RSPO4: variants seen among roughly 807,000 people sequenced by gnomAD.
RSPO4 encodes the protein R-spondin 4.
RSPO4 carries 23 observed loss-of-function variants against 24.8 expected under a neutral mutation model. The ratio of observed to expected loss-of-function variants is 0.93; its 90% CI spans 0.67 to 1.31. The LOEUF (loss-of-function observed/expected upper bound fraction) is 1.31. Ranked by LOEUF, RSPO4 falls within the 40% of genes most tolerant of loss-of-function variation. The pLI, the probability that RSPO4 is intolerant of heterozygous loss-of-function variation, is 0.00. For missense variants in RSPO4, 333 were observed against 316.5 expected (o/e 1.05, Z -0.39); for synonymous variants, 141 against 127.4 (o/e 1.11, Z -0.72).
At position 964,072 on chromosome 20, in the gene RSPO4, T is replaced by C. The variant is rs1568904504; in HGVS notation, c.458A>G (p.Asn153Ser). 8 of 1,613,832 alleles carry C rather than the reference T, an allele frequency of 5.0e-6. No individual in the cohort carries two copies. Among genetic ancestry groups the C allele is most frequent in the South Asian group, 3.3e-5 (3 of 91,066 alleles). ...CCAAGCCGAGCCGCAGGTCTTTCCA[T>C]TGTGTGTGCAGGGGCTCCAGCCGCC... ...PWGGWSPCTH[N>S]GKTCGSAWGL... The change falls in exon 4 of 5, where the codon AAT becomes AGT. Residue 153 changes from asparagine (N) to serine (S), a missense_variant. Physicochemically the swap from Asn to Ser is conservative, Grantham distance 46. Transcript: ENST00000217260.
At chr20:967,426 G>A in intron 2 of RSPO4, 112 bp from the exon 3 acceptor site, 1 of 1,155,088 alleles carries the variant, frequency 8.7e-7, no homozygotes, top group Middle Eastern at 1.9e-4. Context: ...GTAGCATTTG[G>A]GTCAGGACTC....
In RSPO4 at chr20:964,135, GA is replaced by G; in HGVS notation, c.410-16del. On this transcript the variant is annotated splice_polypyrimidine_tract_variant and intron_variant, in intron 3 of 4. Transcript: ENST00000217260. ...TTCACACTCCCCTGTGGGGTGAAAG[GA>G]GAGACAGACAGACAGACAGACAGGG... The G allele has an allele frequency of 6.2e-7, 1 of 1,602,196 alleles. No homozygotes were observed. The highest frequency in any genetic ancestry group is 8.5e-7 in the Non-Finnish European group (1 of 1,172,730).
chr20:968,395 C>G lies in RSPO4; in HGVS notation c.80-257G>C, dbSNP rs151290574. ...AGGGCAGGGGTGTGCCCCTTGTCGT[C>G]CCCTCATCCTTTCTGTTGGGTGGAA... On this transcript the variant is annotated intron_variant, in intron 1 of 4. Coordinates refer to ENST00000217260, the MANE Select transcript of RSPO4 (RefSeq NM_001029871.4). Among the ~76,000 whole-genome samples, 28 of 152,362 alleles carry G rather than the reference C, an allele frequency of 1.8e-4. 1 individual carries two copies. In the East Asian group the frequency reaches 5.4e-3, roughly 29 times the overall value.
At chr20:980,605 T>G (rs922660229) in intron 1 of RSPO4, among the ~76,000 whole-genome samples, 2 of 152,196 alleles carry the variant, frequency 1.3e-5, no homozygotes, top group Non-Finnish European at 2.9e-5. Flanking sequence ...AATTACCTGC[T>G]AAGTTGCAGC....
chr20:986,638 G>T (rs1000997026), intron 1 of RSPO4, among the ~76,000 whole-genome samples: 2 of 115,558 alleles, frequency 1.7e-5, no homozygotes, highest in African/African-American at 6.7e-5. Context: ...TTAAAAATAC[G>T]ACTGTGCATT....
intron 1 of RSPO4, among the ~76,000 whole-genome samples, chr20:979,837 C>T (rs940403862): frequency 2.0e-5 from 3 of 152,138 alleles, no homozygotes; most frequent in Admixed American, 1.3e-4. Flanking sequence ...GACCTCTTGC[C>T]TGCAGCAGCA....
At position 981,756 on chromosome 20, in the gene RSPO4, G is replaced by C. The variant is rs1259417435; in HGVS notation, c.80-13618C>G. Among the ~76,000 whole-genome samples the C allele has an allele frequency of 6.6e-6, 1 of 152,112 alleles. No individual in the cohort carries two copies. The highest frequency in any genetic ancestry group is 2.4e-5 in the African/African-American group (1 of 41,428). On this transcript the variant is annotated intron_variant, in intron 1 of 4. Coordinates refer to ENST00000217260, the MANE Select transcript of RSPO4 (RefSeq NM_001029871.4). The surrounding 1 kb of genome is among the most constrained non-coding windows in gnomAD (Gnocchi z 4.6). ...CCGACACACGAGACCCCTGTCTAAA[G>C]GATCTGCCTGTCCCCACATTAAAGC...
At chr20:973,555 A>G (rs1984475651) in intron 1 of RSPO4, among the ~76,000 whole-genome samples, 1 of 151,332 alleles carries the variant, frequency 6.6e-6, no homozygotes, top group East Asian at 1.9e-4. Flanking sequence ...CTCACTGCAA[A>G]CTCCGTCTCC....
chr20:1,001,600 A>G (rs1479305162), intron 1 of RSPO4, among the ~76,000 whole-genome samples: 1 of 152,122 alleles, frequency 6.6e-6, no homozygotes, highest in Admixed American at 6.5e-5. Context: ...GCCATGGAGG[A>G]TCACTGCCCT....
intron 1 of RSPO4, among the ~76,000 whole-genome samples, chr20:991,851 A>T (rs894940322): frequency 2.0e-4 from 30 of 152,218 alleles, no homozygotes; most frequent in African/African-American, 7.2e-4. Flanking sequence ...CGAGTAAAAT[A>T]AAAAATCAGC....
chr20:959,113 T>TGGTGGGTGTGGGGGAGTGTGGA lies in RSPO4; in HGVS notation c.*1243_*1244insTCCACACTCCCCCACACCCACC, dbSNP rs1983893593. ...TGGTGGTGGGTGTGGGGGAGTGTGG[T>TGGTGGGTGTGGGGGAGTGTGGA]GGTGGGTGTGGGGCAGTGTGGTGGT... On this transcript the variant is annotated 3_prime_UTR_variant, in exon 5 of 5. Transcript: ENST00000217260. The TGGTGGGTGTGGGGGAGTGTGGA allele has an allele frequency of 1.0e-5, 1 of 96,062 alleles. No homozygotes were observed. Among genetic ancestry groups the TGGTGGGTGTGGGGGAGTGTGGA allele is most frequent in the African/African-American group, 4.2e-5 (1 of 23,674 alleles). The allele number at this position is 96,062 out of a possible 1,614,324, so 6.0% of individuals were successfully genotyped here.
intron 1 of RSPO4, among the ~76,000 whole-genome samples, chr20:979,388 T>C (rs1379928566): frequency 1.3e-5 from 2 of 152,206 alleles, no homozygotes; most frequent in Non-Finnish European, 2.9e-5. Context: ...TAGATACTAA[T>C]TTGCCACGTC....
intron 1 of RSPO4, among the ~76,000 whole-genome samples, chr20:996,393 C>T (rs145112757): frequency 4.4e-4 from 67 of 152,212 alleles, no homozygotes; most frequent in Non-Finnish European, 7.1e-4. Flanking sequence ...ATGAACAAAC[C>T]GTATCCATGT....
At chr20:972,743 C>T (rs564448042) in intron 1 of RSPO4, among the ~76,000 whole-genome samples, 9 of 152,288 alleles carry the variant, frequency 5.9e-5, no homozygotes, top group Admixed American at 2.6e-4. Context: ...TCGGGTTTTC[C>T]GCCATGCAAG....
intron 1 of RSPO4, among the ~76,000 whole-genome samples, chr20:989,923 A>C (rs1396934637): frequency 6.6e-6 from 1 of 152,234 alleles, no homozygotes; most frequent in Non-Finnish European, 1.5e-5. Context: ...ATGCTGGCTG[A>C]GTGTTCACAG....
At chr20:987,161 A>G (rs571997874) in intron 1 of RSPO4, among the ~76,000 whole-genome samples, 18 of 152,250 alleles carry the variant, frequency 1.2e-4, no homozygotes, top group African/African-American at 4.1e-4. Context: ...GGCACCTTTG[A>G]TTCTTTATCT....
At chr20:993,202 C>A (rs1001564693) in intron 1 of RSPO4, among the ~76,000 whole-genome samples, 1 of 152,220 alleles carries the variant, frequency 6.6e-6, no homozygotes, top group African/African-American at 2.4e-5. Context: ...CCACCCCCTC[C>A]GCAATGGCAC....
At chr20:973,952 C>G (rs1036002843) in intron 1 of RSPO4, among the ~76,000 whole-genome samples, 1 of 152,150 alleles carries the variant, frequency 6.6e-6, no homozygotes, top group African/African-American at 2.4e-5. Flanking sequence ...CTTCCGGTAG[C>G]CTGTCTGGTG....
chr20:995,078 G>A (rs938864454), intron 1 of RSPO4, among the ~76,000 whole-genome samples: 6 of 152,144 alleles, frequency 3.9e-5, no homozygotes, highest in Non-Finnish European at 8.8e-5. Context: ...CTTGAGTAAG[G>A]TACTTCCCTG....
Sources: gnomAD v4.1 joint callset for allele counts (sites outside exome capture counted in the v4.1 genomes callset) on GRCh38, gnomAD v4.1.1 for gene constraint, Gnocchi (gnomAD v3.1) non-coding constraint, MANE v1.5 for transcripts, NCBI Gene and HGNC (gene_info 2026-07-23, HGNC 2026-07-21) for gene names.